Variants in LARP4 observed in about 807,000 individuals in gnomAD.
LARP4 encodes la-related protein 4.
Under a neutral mutation model 92.9 loss-of-function variants are expected in LARP4, and 29 were observed. The observed-to-expected ratio is 0.31, with a 90% CI of 0.23 to 0.43. LARP4 has a LOEUF of 0.43. Among genes scored for constraint, LARP4 ranks in the 20% least tolerant of loss-of-function variants. The pLI is 1.00. For synonymous variants in LARP4, 279 were observed against 284.1 expected (o/e 0.98, Z 0.18); for missense variants, 732 against 860.0 (o/e 0.85, Z 1.86).
At chr12:50,467,527 T>C (rs1354265254) in intron 13 of LARP4, among the ~76,000 whole-genome samples, 1 of 152,164 alleles carries the variant, frequency 6.6e-6, no homozygotes, top group Non-Finnish European at 1.5e-5. Context: ...GGTCTCCAGC[T>C]CCTGACCTCA....
In LARP4 at chr12:50,400,885, A is replaced by C; in HGVS notation, c.-126A>C. ...CCGCAGCGGCTGACGGCAGGGGAGG[A>C]GCCGGGTCCACTGCCGGGTGGAGGG... On this transcript the variant is annotated 5_prime_UTR_variant, in exon 1 of 16. Coordinates refer to ENST00000398473, the MANE Select transcript of LARP4 (RefSeq NM_052879.5). 7.7e-7 allele frequency: 1 copy of C among 1,293,776 alleles called. No individual in the cohort carries two copies. The highest frequency in any genetic ancestry group is 1.1e-6 in the Non-Finnish European group (1 of 888,898). 80.1% of individuals were successfully genotyped at this position (1,293,776 alleles called of 1,614,324 possible). A position where few individuals can be genotyped will look rare whatever the true frequency, so the allele number is the denominator to read the frequency against.
intron 8 of LARP4, among the ~76,000 whole-genome samples, chr12:50,442,591 GTTATTC>G (rs1951389912): frequency 6.6e-6 from 1 of 152,154 alleles, no homozygotes; most frequent in Non-Finnish European, 1.5e-5. Flanking sequence ...GTGTGCTATA[GTTATTC>G]TTATTTGTAA....
intron 6 of LARP4, among the ~76,000 whole-genome samples, chr12:50,438,677 G>A (rs1257201583): frequency 2.0e-5 from 3 of 152,174 alleles, no homozygotes; most frequent in Non-Finnish European, 4.4e-5. Context: ...ATTATTTAAA[G>A]CCAAAGGTTT....
chr12:50,440,958 A>G (rs1951114443), intron 7 of LARP4, among the ~76,000 whole-genome samples: 1 of 149,730 alleles, frequency 6.7e-6, no homozygotes, highest in Non-Finnish European at 1.5e-5. Context: ...ATCTCGGCTC[A>G]CTGCAACCTC....
chr12:50,447,113 A>G (rs1952333927), intron 8 of LARP4, among the ~76,000 whole-genome samples: 2 of 152,156 alleles, frequency 1.3e-5, no homozygotes, highest in African/African-American at 4.8e-5. Context: ...GAGCATCCCA[A>G]ATCCTAAATT....
At chr12:50,462,046 A>G (rs569271707) in intron 11 of LARP4, among the ~76,000 whole-genome samples, 1 of 152,318 alleles carries the variant, frequency 6.6e-6, no homozygotes, top group African/African-American at 2.4e-5. Flanking sequence ...AGGGATCACT[A>G]CTAACAAATG....
intron 8 of LARP4, among the ~76,000 whole-genome samples, chr12:50,452,066 A>G (rs976410481): frequency 1.6e-4 from 24 of 152,248 alleles, no homozygotes; most frequent in Admixed American, 1.2e-3. Flanking sequence ...CGTTTTCTCC[A>G]TCGATTCATT....
chr12:50,470,862 T>C (rs772826796), intron 13 of LARP4, among the ~76,000 whole-genome samples: 1 of 152,218 alleles, frequency 6.6e-6, no homozygotes, highest in Non-Finnish European at 1.5e-5. Context: ...ATTCTGACTT[T>C]GTGATAGCAA....
At chr12:50,416,694 T>G (rs150264804) in intron 1 of LARP4, among the ~76,000 whole-genome samples, 1 of 151,874 alleles carries the variant, frequency 6.6e-6, no homozygotes, top group East Asian at 1.9e-4. Context: ...AAAAAATAAT[T>G]ACCTTTCAAT....
intron 1 of LARP4, among the ~76,000 whole-genome samples, chr12:50,403,340 T>G (rs879683037): frequency 6.6e-6 from 1 of 152,238 alleles, no homozygotes; most frequent in Non-Finnish European, 1.5e-5. Context: ...TCTTTAAATG[T>G]TAATGGCAGC....
chr12:50,430,796 G>A (rs1392079729), intron 4 of LARP4, among the ~76,000 whole-genome samples: 1 of 152,016 alleles, frequency 6.6e-6, no homozygotes, highest in East Asian at 2.0e-4. Flanking sequence ...GAGTAGCTGG[G>A]ATTACAGGCG....
At chr12:50,432,553 C>G (rs1469731129) in intron 4 of LARP4, among the ~76,000 whole-genome samples, 3 of 152,080 alleles carry the variant, frequency 2.0e-5, no homozygotes, top group Non-Finnish European at 1.5e-5. Context: ...CTACCCCATA[C>G]TGCTTGAAAA....
Position 50,423,508 on chromosome 12 carries a change from G to A in LARP4, c.19-4254G>A, listed in dbSNP as rs567560481. The stretch of plus-strand genomic sequence containing the variant: ...CTGTTGCCCAGGCTGGAGTGCAGTG[G>A]CGTAATCTCGGCTCACCACAACCTC... On this transcript the variant is annotated intron_variant, in intron 1 of 15. Transcript: ENST00000398473. 2.0e-5 allele frequency among the ~76,000 whole-genome samples: 3 copies of A among 152,186 alleles called. No individual in the cohort carries two copies. The East Asian group carries it at 5.8e-4, about 29-fold the overall frequency.
chr12:50,402,696 G>C (rs1944091558), intron 1 of LARP4: 2 of 444,536 alleles, frequency 4.5e-6, no homozygotes, highest in Non-Finnish European at 9.0e-6. Context: ...GAGCCCCAGA[G>C]GTTAAAGTAA....
At chr12:50,453,286 G>T (rs1157861946) in intron 8 of LARP4, among the ~76,000 whole-genome samples, 174 bp from the exon 9 acceptor site, 3 of 151,638 alleles carry the variant, frequency 2.0e-5, no homozygotes, top group Admixed American at 6.6e-5. Context: ...CCATGAAAAC[G>T]TTTTTATTAT....
intron 10 of LARP4, among the ~76,000 whole-genome samples, chr12:50,456,626 A>G: frequency 6.6e-6 from 1 of 152,160 alleles, no homozygotes; most frequent in East Asian, 1.9e-4. Flanking sequence ...ACTTTCAGAA[A>G]TCCAGGCATT....
intron 11 of LARP4, 27 bp from the exon 12 acceptor site, chr12:50,462,555 C>G (rs146562819): frequency 3.0e-6 from 4 of 1,338,996 alleles, no homozygotes; most frequent in Admixed American, 3.9e-5. Flanking sequence ...CCACCCCACC[C>G]CACCCCCACC....
intron 4 of LARP4, among the ~76,000 whole-genome samples, chr12:50,431,665 T>G (rs1458277604): frequency 6.6e-6 from 1 of 151,870 alleles, no homozygotes; most frequent in East Asian, 1.9e-4. Context: ...GCCAACATGG[T>G]GAAACCTTGT....
chr12:50,428,023 T>A, intron 2 of LARP4, 114 bp downstream of exon 2: 1 of 615,548 alleles, frequency 1.6e-6, no homozygotes. Context: ...TGAGACAGAG[T>A]CTTCCTCTGT....
Sources: allele counts gnomAD v4.1 joint callset (sites outside exome capture counted in the v4.1 genomes callset), GRCh38; gene constraint gnomAD v4.1.1; transcripts MANE v1.5; gene names NCBI Gene and HGNC (gene_info 2026-07-23, HGNC 2026-07-21).